GSE1: variants seen among roughly 807,000 people sequenced by gnomAD.
GSE1 encodes the protein genetic suppressor element 1.
GSE1 carries 32 observed loss-of-function variants against 112.6 expected under a neutral mutation model. The ratio of observed to expected loss-of-function variants is 0.28; its 90% CI spans 0.21 to 0.38. The LOEUF (loss-of-function observed/expected upper bound fraction) is 0.38, where lower values mean the gene tolerates loss of function less well. Among genes scored for constraint, GSE1 ranks in the 10% least tolerant of loss-of-function variants. GSE1 has a pLI of 1.00. For missense variants in GSE1, 2,348 were observed against 1,699.2 expected, an observed-to-expected ratio of 1.38 and a Z score of -6.71; for synonymous variants, 1,115 against 735.6, an observed-to-expected ratio of 1.52 and a Z score of -8.35.
At chr16:85,590,227 T>C (rs1025342620) in intron 1 of GSE1, among the ~76,000 whole-genome samples, 3 of 151,806 alleles carry the variant, frequency 2.0e-5, no homozygotes, top group Admixed American at 2.0e-4. Flanking sequence ...TGTGACCTTG[T>C]GTGCGTGTGT....
At chr16:85,403,620 T>C (rs1247601693) in intron 2 of GSE1, among the ~76,000 whole-genome samples, 2 of 151,720 alleles carry the variant, frequency 1.3e-5, no homozygotes, top group African/African-American at 4.9e-5. Context: ...TGAAACCCTG[T>C]CTCTACAAAA....
In GSE1 at chr16:85,648,834, C is replaced by T. The variant is rs78033391; in HGVS notation, c.426+83C>T. On this transcript the variant is annotated intron_variant, in intron 3 of 15. Transcript: ENST00000253458. Reference sequence around the variant, plus strand: ...CATCCATTGGGGGCTCTGGAGCTTTCGAGGTTGAGTTTACATTCCAGACAC... The same window carrying T: ...CATCCATTGGGGGCTCTGGAGCTTTTGAGGTTGAGTTTACATTCCAGACAC... 5.7e-4 allele frequency: 441 copies of T among 771,530 alleles called. 5 individuals are homozygous for T. In the East Asian group the frequency reaches 0.01, roughly 18 times the overall value. 47.8% of individuals were successfully genotyped at this position (771,530 alleles called of 1,614,324 possible). A position where few individuals can be genotyped will look rare whatever the true frequency, so the allele number is the denominator to read the frequency against.
chr16:85,468,312 CTTTTTTTTTTTTTT>C (rs55873035), intron 2 of GSE1, among the ~76,000 whole-genome samples: 1 of 116,730 alleles, frequency 8.6e-6, no homozygotes, highest in African/African-American at 3.4e-5. Context: ...CCCTTCTTTC[CTTTTTTTTTTTTTT>C]TTTTTTTTGA....
chr16:85,423,553 G>A (rs1378901823), intron 2 of GSE1, among the ~76,000 whole-genome samples: 1 of 151,806 alleles, frequency 6.6e-6, no homozygotes, highest in Non-Finnish European at 1.5e-5. Context: ...AGCCCCTGGA[G>A]AGCCACCATG....
chr16:85,598,751 C>T (rs191077731), intron 1 of GSE1, among the ~76,000 whole-genome samples: 117 of 152,332 alleles, frequency 7.7e-4, no homozygotes, highest in Non-Finnish European at 1.2e-3. Flanking sequence ...CTTGGCTGCT[C>T]GGATCTTGGC....
intron 2 of GSE1, among the ~76,000 whole-genome samples, chr16:85,464,136 CCTCT>C (rs1468162199): frequency 1.3e-5 from 2 of 152,278 alleles, no homozygotes; most frequent in Admixed American, 1.3e-4. Flanking sequence ...GCCCACCCCT[CCTCT>C]CTCTGTGTGC....
In GSE1 at chr16:85,363,456, G is replaced by T. The variant is rs1359551025; in HGVS notation, c.2464+5813G>T. Among the ~76,000 whole-genome samples the T allele has an allele frequency of 2.0e-5, 3 of 152,168 alleles. No homozygotes were observed. The East Asian group carries it at 5.8e-4, about 29-fold the overall frequency. On this transcript the variant is annotated intron_variant, in intron 2 of 2. Coordinates refer to the GSE1 transcript ENST00000637419. Reference sequence around the variant, plus strand: ...CCAGGCCTTACCTCCAACCCTGGCCGACCAGGACTGGACTTGCGTTCCCTA... The same window carrying T: ...CCAGGCCTTACCTCCAACCCTGGCCTACCAGGACTGGACTTGCGTTCCCTA...
intron 2 of GSE1, among the ~76,000 whole-genome samples, chr16:85,640,884 C>G (rs973510363): frequency 3.3e-5 from 5 of 152,254 alleles, no homozygotes; most frequent in African/African-American, 1.2e-4. Flanking sequence ...CATGGTGCCT[C>G]TCCGTTCTCC....
At chr16:85,490,710 G>A (rs1438229841) in intron 2 of GSE1, 4 of 152,240 alleles carry the variant, frequency 2.6e-5, no homozygotes, top group African/African-American at 9.6e-5. Flanking sequence ...GCCCTGGCTC[G>A]GAGCACCATG....
rs576397229 is a variant in GSE1, at chr16:85,655,930, C to G, written c.989+13C>G. Reference sequence around the variant, plus strand: ...TCAGCGCGGAGAGGTAAGTGCGTCTCGAGCCGAGGAGCCCCTCTGCCCTCC... The same window carrying G: ...TCAGCGCGGAGAGGTAAGTGCGTCTGGAGCCGAGGAGCCCCTCTGCCCTCC... On this transcript the variant is annotated intron_variant, in intron 6 of 15. Coordinates refer to ENST00000253458, the MANE Select transcript of GSE1 (RefSeq NM_014615.5). 2.2e-5 allele frequency: 35 copies of G among 1,589,542 alleles called. No homozygotes were observed. The highest frequency in any genetic ancestry group is 1.6e-4 in the South Asian group (14 of 89,892).
At chr16:85,294,602 C>G (rs1170689267) in intron 1 of GSE1, among the ~76,000 whole-genome samples, 1 of 145,634 alleles carries the variant, frequency 6.9e-6, no homozygotes, top group Non-Finnish European at 1.5e-5. Context: ...CTGGATCTTG[C>G]CAGCACGCCT....
At position 85,221,290 on chromosome 16, in the gene GSE1, C is replaced by G. The variant is rs116545540; in HGVS notation, c.2283+49483C>G. 3.3e-3 allele frequency among the ~76,000 whole-genome samples: 499 copies of G among 151,282 alleles called. 2 individuals are homozygous for G. Among genetic ancestry groups the G allele is most frequent in the African/African-American group, 0.011 (473 of 41,152 alleles). The stretch of plus-strand genomic sequence containing the variant: ...GGGAGGTCAGCTGCAGGCTACTGGC[C>G]TGGTTCACACTTCCCTAGCGCGCAC... On this transcript the variant is annotated intron_variant, in intron 1 of 2. Transcript: ENST00000637419.
At chr16:85,556,112 GGA>G (rs2045197190) in exon 1 of GSE1, 3 of 983,784 alleles carry the variant, frequency 3.0e-6, no homozygotes, top group South Asian at 4.7e-5. Context: ...GGCGCTGGTC[GGA>G]GAGAGAGCCT....
intron 1 of GSE1, among the ~76,000 whole-genome samples, chr16:85,174,474 G>A (rs549176288): frequency 9.2e-5 from 14 of 152,360 alleles, no homozygotes; most frequent in African/African-American, 2.2e-4. Context: ...AGGGAAGCAC[G>A]ATTGACAGCC....
At chr16:85,429,121 G>C (rs1597727761) in intron 2 of GSE1, among the ~76,000 whole-genome samples, 1 of 152,234 alleles carries the variant, frequency 6.6e-6, no homozygotes, top group African/African-American at 2.4e-5. Flanking sequence ...GCAGGTGCCT[G>C]CTCATCACAA....
At chr16:85,433,875 A>G (rs2049180807) in intron 2 of GSE1, among the ~76,000 whole-genome samples, 1 of 151,884 alleles carries the variant, frequency 6.6e-6, no homozygotes, top group African/African-American at 2.4e-5. Flanking sequence ...AGTGGTTTGG[A>G]TGGATGGATG....
intron 1 of GSE1, among the ~76,000 whole-genome samples, chr16:85,324,690 A>G (rs2046189203): frequency 6.6e-6 from 1 of 152,104 alleles, no homozygotes; most frequent in African/African-American, 2.4e-5. Flanking sequence ...ACTGGGCCAT[A>G]AAAGGAACGA....
At chr16:85,460,332 T>C (rs1309320445) in intron 2 of GSE1, among the ~76,000 whole-genome samples, 1 of 152,170 alleles carries the variant, frequency 6.6e-6, no homozygotes, top group Non-Finnish European at 1.5e-5. Flanking sequence ...CTGATACAAC[T>C]GCTCAGGGGT....
At chr16:85,386,269 C>T (rs1222797155) in intron 2 of GSE1, among the ~76,000 whole-genome samples, 1 of 152,194 alleles carries the variant, frequency 6.6e-6, no homozygotes, top group African/African-American at 2.4e-5. Flanking sequence ...ATCCTGCCTG[C>T]GTGCCTGACA....
Sources: gnomAD v4.1 joint callset for allele counts (sites outside exome capture counted in the v4.1 genomes callset) on GRCh38, gnomAD v4.1.1 for gene constraint, MANE v1.5 for transcripts, NCBI Gene and HGNC (gene_info 2026-07-23, HGNC 2026-07-21) for gene names.